DLG2: variants seen among roughly 807,000 people sequenced by gnomAD.
DLG2 encodes discs large MAGUK scaffold protein 2, also known as disks large homolog 2.
Under a neutral mutation model 132.5 loss-of-function variants are expected in DLG2, and 45 were observed. The observed-to-expected ratio is 0.34, with a 90% CI of 0.27 to 0.44. The LOEUF is 0.44. Ranked by LOEUF, DLG2 falls within the 20% of genes least tolerant of loss-of-function variation. The pLI is 1.00. For synonymous variants in DLG2, 424 were observed against 419.6 expected (o/e 1.01, Z -0.13); for missense variants, 1,045 against 1,196.9 (o/e 0.87, Z 1.87).
intron 18 of DLG2, among the ~76,000 whole-genome samples, chr11:83,637,677 G>C (rs758902243): frequency 2.6e-5 from 4 of 152,072 alleles, no homozygotes; most frequent in African/African-American, 9.7e-5. Context: ...AGAATGCAAG[G>C]CTTCCTCAAT....
intron 6 of DLG2, among the ~76,000 whole-genome samples, chr11:84,724,776 A>G (rs1005907387): frequency 6.6e-6 from 1 of 152,132 alleles, no homozygotes; most frequent in Admixed American, 6.5e-5. Context: ...TCAATCACAA[A>G]TGTTTATTTC....
At chr11:84,442,996 C>T (rs569689941) in intron 7 of DLG2, among the ~76,000 whole-genome samples, 1 of 152,140 alleles carries the variant, frequency 6.6e-6, no homozygotes, top group African/African-American at 2.4e-5. Context: ...GGCCCGGCTG[C>T]AGATGGATAT....
chr11:83,655,742 T>C (rs912884378), intron 18 of DLG2, among the ~76,000 whole-genome samples: 4 of 152,232 alleles, frequency 2.6e-5, no homozygotes, highest in African/African-American at 9.6e-5. Flanking sequence ...CACACCCATA[T>C]ACCCTGGCCT....
intron 2 of DLG2, among the ~76,000 whole-genome samples, chr11:85,607,768 G>GTA (rs2080685475): frequency 6.6e-6 from 1 of 152,184 alleles, no homozygotes; most frequent in Non-Finnish European, 1.5e-5. Flanking sequence ...CTCAGAAATT[G>GTA]TATCCTTCCT....
At chr11:83,594,089 T>C (rs1190583254) in intron 19 of DLG2, among the ~76,000 whole-genome samples, 2 of 152,252 alleles carry the variant, frequency 1.3e-5, no homozygotes, top group African/African-American at 4.8e-5. Context: ...CAATTATGGC[T>C]TGCCAAATAC....
At chr11:85,134,569 T>C (rs907355481) in intron 5 of DLG2, among the ~76,000 whole-genome samples, 1 of 140,564 alleles carries the variant, frequency 7.1e-6, no homozygotes, top group African/African-American at 2.6e-5. Flanking sequence ...CTTTCTATGA[T>C]AAACAATTTG....
chr11:85,563,419 TAA>T (rs1296170970), intron 3 of DLG2, among the ~76,000 whole-genome samples: 1 of 144,468 alleles, frequency 6.9e-6, no homozygotes. Flanking sequence ...ATGAGTGGAT[TAA>T]AAAAAAAAAA....
intron 11 of DLG2, among the ~76,000 whole-genome samples, chr11:84,027,045 T>C (rs2095554772): frequency 6.6e-6 from 1 of 152,014 alleles, no homozygotes; most frequent in South Asian, 2.1e-4. Context: ...GGGTCTAAAA[T>C]AAACTGGGGT....
chr11:83,560,775 C>T (rs960736535), intron 19 of DLG2, among the ~76,000 whole-genome samples: 1 of 152,162 alleles, frequency 6.6e-6, no homozygotes, highest in African/African-American at 2.4e-5. Flanking sequence ...GGGGAAAAAA[C>T]TATTTCCCAC....
intron 6 of DLG2, among the ~76,000 whole-genome samples, chr11:85,059,045 C>T (rs957156873): frequency 2.0e-5 from 3 of 151,048 alleles, no homozygotes; most frequent in African/African-American, 7.3e-5. Context: ...GTTCAAAAGT[C>T]GCCGTTAGAA....
chr11:84,270,441 G>A (rs956817010), intron 7 of DLG2, among the ~76,000 whole-genome samples: 3 of 152,188 alleles, frequency 2.0e-5, no homozygotes, highest in Non-Finnish European at 4.4e-5. Context: ...TCATAGTTTG[G>A]TTTCCTTCTT....
intron 7 of DLG2, among the ~76,000 whole-genome samples, chr11:84,282,233 T>C (rs774339228): frequency 2.6e-5 from 4 of 152,204 alleles, no homozygotes; most frequent in Admixed American, 6.5e-5. Context: ...TAAATAATCA[T>C]GTTGAGTGAA....
chr11:85,279,962 T>A (rs1184704969), intron 4 of DLG2, among the ~76,000 whole-genome samples: 4 of 152,174 alleles, frequency 2.6e-5, no homozygotes, highest in Non-Finnish European at 4.4e-5. Flanking sequence ...GATTTTCTTA[T>A]ATTCACATAA....
intron 3 of DLG2, among the ~76,000 whole-genome samples, chr11:85,498,167 G>A (rs1266733631): frequency 1.3e-5 from 2 of 152,160 alleles, no homozygotes; most frequent in Non-Finnish European, 2.9e-5. Context: ...CCATCAGTGT[G>A]CTATATTCAG....
At chr11:83,793,960 C>T (rs1481761226) in intron 17 of DLG2, among the ~76,000 whole-genome samples, 1 of 152,120 alleles carries the variant, frequency 6.6e-6, no homozygotes, top group Non-Finnish European at 1.5e-5. Context: ...AGCACTTATA[C>T]ATTAGAGATG....
At chr11:83,911,043 A>T (rs1016806893) in intron 15 of DLG2, among the ~76,000 whole-genome samples, 1 of 152,186 alleles carries the variant, frequency 6.6e-6, no homozygotes, top group Non-Finnish European at 1.5e-5. Flanking sequence ...GCAAAACATG[A>T]TATGACTCCA....
intron 6 of DLG2, among the ~76,000 whole-genome samples, chr11:84,969,852 T>A (rs2053825829): frequency 2.6e-5 from 4 of 152,072 alleles, no homozygotes; most frequent in Non-Finnish European, 5.9e-5. Flanking sequence ...AAAAGATGAG[T>A]TCATGTCCTT....
intron 11 of DLG2, among the ~76,000 whole-genome samples, chr11:84,024,839 C>T (rs763697211): frequency 3.3e-5 from 5 of 149,346 alleles, no homozygotes; most frequent in Non-Finnish European, 7.4e-5. Flanking sequence ...GGTTCTATTG[C>T]CAAACCCGGT....
At chr11:84,287,781 A>AC (rs1567184872) in intron 7 of DLG2, among the ~76,000 whole-genome samples, 4 of 97,722 alleles carry the variant, frequency 4.1e-5, no homozygotes, top group South Asian at 3.7e-4. Flanking sequence ...CACACACACA[A>AC]ATACTTTATT....
Sources: allele counts gnomAD v4.1 joint callset (sites outside exome capture counted in the v4.1 genomes callset), GRCh38; gene constraint gnomAD v4.1.1; transcripts MANE v1.5; gene names NCBI Gene and HGNC (gene_info 2026-07-23, HGNC 2026-07-21).